GLRA3: variants seen among roughly 807,000 people sequenced by gnomAD.
GLRA3 encodes glycine receptor alpha 3, also known as glycine receptor subunit alpha-3.
In GLRA3, 44 loss-of-function variants were observed where a neutral mutation model predicts 60.4. That is an observed-to-expected ratio of 0.73 (90% CI 0.57 to 0.94). The LOEUF is 0.94. GLRA3 is among the 40% of genes least tolerant of loss of function. The pLI is 0.00. For synonymous variants in GLRA3, 223 were observed against 192.9 expected (o/e 1.16, Z -1.29); for missense variants, 508 against 564.6 (o/e 0.90, Z 1.02).
intron 3 of GLRA3, among the ~76,000 whole-genome samples, chr4:174,765,011 G>A (rs909539597): frequency 1.3e-4 from 20 of 152,030 alleles, no homozygotes; most frequent in Admixed American, 6.6e-4. Flanking sequence ...GACACTGCTT[G>A]AGACTGTGAA....
intron 7 of GLRA3, among the ~76,000 whole-genome samples, chr4:174,666,742 A>ATG (rs1733681267): frequency 8.2e-6 from 1 of 122,612 alleles, no homozygotes; most frequent in Non-Finnish European, 1.7e-5. Context: ...AAATAAGAAT[A>ATG]TATATATATA....
At chr4:174,699,719 C>T (rs911737038) in intron 5 of GLRA3, among the ~76,000 whole-genome samples, 1 of 151,684 alleles carries the variant, frequency 6.6e-6, no homozygotes, top group African/African-American at 2.4e-5. Flanking sequence ...CACAAAGGAA[C>T]CAGAACTTCA....
At chr4:174,775,162 T>C (rs1738549487) in intron 2 of GLRA3, among the ~76,000 whole-genome samples, 1 of 152,152 alleles carries the variant, frequency 6.6e-6, no homozygotes, top group Non-Finnish European at 1.5e-5. Flanking sequence ...CTTGTTAAAG[T>C]GACCTCGTAC....
chr4:174,716,833 C>G (rs1211618675), intron 4 of GLRA3, among the ~76,000 whole-genome samples: 1 of 152,094 alleles, frequency 6.6e-6, no homozygotes, highest in Non-Finnish European at 1.5e-5. Context: ...TTCAGCCACT[C>G]CTAGACTCCT....
At chr4:174,705,499 G>C (rs1735476486) in intron 5 of GLRA3, among the ~76,000 whole-genome samples, 1 of 144,410 alleles carries the variant, frequency 6.9e-6, no homozygotes, top group African/African-American at 2.5e-5. Context: ...ATAAAAGAGG[G>C]ATGCACAGTG....
intron 7 of GLRA3, among the ~76,000 whole-genome samples, chr4:174,675,175 C>T (rs1734068418): frequency 6.6e-6 from 1 of 152,036 alleles, no homozygotes; most frequent in Non-Finnish European, 1.5e-5. Flanking sequence ...GTCATTGTCT[C>T]TATGATCAGA....
rs1181775611 is a variant in GLRA3, at chr4:174,677,274, T to A, written c.731A>T (p.Glu244Val). 1 of 1,606,344 alleles carries A rather than the reference T, an allele frequency of 6.2e-7. No homozygotes were observed. The highest frequency in any genetic ancestry group is 1.1e-5 in the South Asian group (1 of 90,900). Residue 244 changes from glutamate to valine, a missense_variant, in exon 7 of 10, where the codon GAA becomes GTA. Around this residue, in one of 3 missense-constraint regions of GLRA3, gnomAD observed 329 missense variants for 349.3 expected, o/e 0.94. Coordinates refer to ENST00000274093, the MANE Select transcript of GLRA3 (RefSeq NM_006529.4). ...HYNTGKFTCI[E>V]VRFHLERQMG... ...TTGTCGCTCCAGATGGAATCGCACT[T>A]CTATACACGTAAACTTTCCTAATTG... is the stretch of plus-strand genomic sequence containing the variant.
At chr4:174,796,482 C>A (rs970954979) in intron 1 of GLRA3, among the ~76,000 whole-genome samples, 1 of 151,830 alleles carries the variant, frequency 6.6e-6, no homozygotes, top group Non-Finnish European at 1.5e-5. Flanking sequence ...TTATTGTTGG[C>A]AAATTTACAT....
At chr4:174,748,154 A>G (rs570472179) in intron 3 of GLRA3, among the ~76,000 whole-genome samples, 2 of 152,288 alleles carry the variant, frequency 1.3e-5, no homozygotes, top group African/African-American at 4.8e-5. Context: ...AAAGAAGATA[A>G]TAGTGCAAAT....
intron 5 of GLRA3, among the ~76,000 whole-genome samples, chr4:174,708,055 A>C (rs1735578948): frequency 6.6e-6 from 1 of 152,180 alleles, no homozygotes; most frequent in South Asian, 2.1e-4. Context: ...TTTTCTAGCT[A>C]ACACTGTAAC....
intron 4 of GLRA3, among the ~76,000 whole-genome samples, chr4:174,728,065 C>A (rs979169057): frequency 1.3e-5 from 2 of 152,022 alleles, no homozygotes; most frequent in Admixed American, 6.6e-5. Context: ...AACACATATA[C>A]CTGAAAAATA....
chr4:174,804,913 T>A (rs536327727), intron 1 of GLRA3, among the ~76,000 whole-genome samples: 29 of 152,270 alleles, frequency 1.9e-4, no homozygotes, highest in African/African-American at 7.0e-4. Context: ...TGCAGATGGC[T>A]TCTCTACTTG....
chr4:174,688,617 T>A (rs72706164), intron 5 of GLRA3, among the ~76,000 whole-genome samples: 47,352 of 145,792 alleles, frequency 0.32, 8,397 homozygotes, highest in Middle Eastern at 0.4. Flanking sequence ...TGTGTGTGTG[T>A]GACGTTATTT....
chr4:174,693,275 G>T (rs1036277724), intron 5 of GLRA3, among the ~76,000 whole-genome samples: 1 of 152,094 alleles, frequency 6.6e-6, no homozygotes, highest in South Asian at 2.1e-4. Flanking sequence ...ATCTTCTAGA[G>T]TTTTTACAGT....
At chr4:174,677,483 C>A (rs1401059135) in intron 6 of GLRA3, among the ~76,000 whole-genome samples, 191 bp from the exon 7 acceptor site, 1 of 151,914 alleles carries the variant, frequency 6.6e-6, no homozygotes. Context: ...CCTCAGCCTC[C>A]CAAGTAGCTG....
chr4:174,778,903 C>T lies in GLRA3; in HGVS notation c.199+9913G>A, dbSNP rs1438882560. 5.3e-5 allele frequency among the ~76,000 whole-genome samples: 8 copies of T among 152,214 alleles called. No individual in the cohort carries two copies. In the East Asian group the frequency reaches 7.7e-4, roughly 15 times the overall value. On this transcript the variant is annotated intron_variant, in intron 2 of 9. Transcript: ENST00000274093. Reference sequence around the variant, plus strand: ...GCAGTGAGGCTGGGGGAGGGGCGCCCGCCATTGCCCAGGCTTGCTTAGGTA... The same window carrying T: ...GCAGTGAGGCTGGGGGAGGGGCGCCTGCCATTGCCCAGGCTTGCTTAGGTA...
At chr4:174,825,376 G>A (rs1472068464) in intron 1 of GLRA3, among the ~76,000 whole-genome samples, 1 of 152,046 alleles carries the variant, frequency 6.6e-6, no homozygotes, top group Non-Finnish European at 1.5e-5. Flanking sequence ...AGGCTTTGAA[G>A]TAAACCAAGA....
Position 174,744,426 on chromosome 4 carries a change from C to G in GLRA3, c.268-15728G>C, listed in dbSNP as rs531704193. On this transcript the variant is annotated intron_variant, in intron 3 of 9. Coordinates refer to ENST00000274093, the MANE Select transcript of GLRA3 (RefSeq NM_006529.4). ...AGGCACATTCGAAACCCTGCTACCCCCACTGGGACCAGGACCTAAAGACTG... is the reference window on the plus strand; with the variant it reads ...AGGCACATTCGAAACCCTGCTACCCGCACTGGGACCAGGACCTAAAGACTG... 1.2e-3 allele frequency among the ~76,000 whole-genome samples: 179 copies of G among 152,352 alleles called. 4 individuals carry two copies. The highest frequency in any genetic ancestry group is 1.0e-2 in the South Asian group (48 of 4,822).
chr4:174,778,900 G>A (rs1198343280), intron 2 of GLRA3, among the ~76,000 whole-genome samples: 3 of 152,174 alleles, frequency 2.0e-5, no homozygotes, highest in African/African-American at 4.8e-5. Context: ...GGGGAGGGGC[G>A]CCCGCCATTG....
Sources: allele counts gnomAD v4.1 joint callset (sites outside exome capture counted in the v4.1 genomes callset), GRCh38; gene constraint gnomAD v4.1.1; regional missense constraint gnomAD v4.1.1; transcripts MANE v1.5; gene names NCBI Gene and HGNC (gene_info 2026-07-23, HGNC 2026-07-21).